Variants in CLCN5 observed in about 807,000 individuals in gnomAD.
CLCN5 encodes Cl-/H+ antiporter 5.
A neutral mutation model predicts 54.0 loss-of-function variants in CLCN5; 17 were observed. That is an observed-to-expected ratio of 0.31 (90% CI 0.22 to 0.47). The LOEUF is 0.47. Ranked by LOEUF, CLCN5 falls within the 20% of genes least tolerant of loss-of-function variation. The probability of loss-of-function intolerance (pLI) is 1.00; values close to 1 mark genes in which losing one functional copy is unlikely to be tolerated. For synonymous variants in CLCN5, 222 were observed against 233.0 expected (o/e 0.95, Z 0.43); for missense variants, 448 against 646.7 (o/e 0.69, Z 3.33).
In CLCN5 at chrX:50,063,206, C is replaced by T. The variant is rs1169973961; in HGVS notation, c.164-6673C>T. 2.3e-3 allele frequency among the ~76,000 whole-genome samples: 218 copies of T among 93,550 alleles called. 1 individual carries two copies. The highest frequency in any genetic ancestry group is 8.9e-3 in the African/African-American group (205 of 22,957). 81.2% of individuals were successfully genotyped at this position (93,550 alleles called of 115,157 possible). A position where few individuals can be genotyped will look rare whatever the true frequency, so the allele number is the denominator to read the frequency against. On this transcript the variant is annotated intron_variant, in intron 4 of 14. Coordinates refer to ENST00000376091, the MANE Select transcript of CLCN5 (RefSeq NM_001127898.4). Reference sequence around the variant, plus strand: ...AGACACAAAAAACCCTTCAAAAAATCAATGAATCCAGGAGCTGGTTTTTTG... The same window carrying T: ...AGACACAAAAAACCCTTCAAAAAATTAATGAATCCAGGAGCTGGTTTTTTG...
intron 4 of CLCN5, 154 bp downstream of exon 4, chrX:50,042,616 G>C (rs2147478295): frequency 3.0e-6 from 1 of 331,558 alleles, no homozygotes; most frequent in South Asian, 1.7e-4. Context: ...ACAGGATACA[G>C]AACAGTTCAA....
At chrX:49,948,867 C>T (rs1926891133) in intron 3 of CLCN5, among the ~76,000 whole-genome samples, 1 of 112,164 alleles carries the variant, frequency 8.9e-6, no homozygotes, top group Non-Finnish European at 1.9e-5. Flanking sequence ...TATTAGCTAC[C>T]AAAATCACTG....
At chrX:49,971,550 T>A (rs1278453094) in intron 3 of CLCN5, among the ~76,000 whole-genome samples, 1 of 110,838 alleles carries the variant, frequency 9.0e-6, no homozygotes, top group Non-Finnish European at 1.9e-5. Context: ...TATTCCTACT[T>A]TACTGAGTGA....
chrX:50,003,606 C>A (rs782668949), intron 3 of CLCN5: 16 of 344,810 alleles, frequency 4.6e-5, no homozygotes, highest in Admixed American at 2.7e-4. Flanking sequence ...TCCTTGCTCT[C>A]TTGTGCATGT....
chrX:49,950,356 AG>A (rs1173871316), intron 3 of CLCN5, among the ~76,000 whole-genome samples: 1 of 112,189 alleles, frequency 8.9e-6, no homozygotes, highest in Non-Finnish European at 1.9e-5. Flanking sequence ...TGGTTTTTTA[AG>A]CTCAAGTTTT....
intron 3 of CLCN5, among the ~76,000 whole-genome samples, chrX:50,028,332 A>C (rs1346858699): frequency 8.9e-6 from 1 of 112,096 alleles, no homozygotes; most frequent in African/African-American, 3.2e-5. Flanking sequence ...TGGAAGCAGA[A>C]AGAGCTTTTT....
chrX:50,031,988 C>G (rs1265086820), intron 3 of CLCN5, among the ~76,000 whole-genome samples: 20 of 98,006 alleles, frequency 2.0e-4, no homozygotes, highest in African/African-American at 7.0e-4. Context: ...TTTGTTCTTG[C>G]GATAGTTTAC....
chrX:50,060,626 G>C lies in CLCN5; in HGVS notation c.164-9253G>C, dbSNP rs1409988727. 1.9e-3 allele frequency among the ~76,000 whole-genome samples: 206 copies of C among 108,845 alleles called. 1 individual carries two copies. Among genetic ancestry groups the C allele is most frequent in the South Asian group, 4.0e-3 (10 of 2,525 alleles). 94.5% of individuals were successfully genotyped at this position (108,845 alleles called of 115,157 possible). A position where few individuals can be genotyped will look rare whatever the true frequency, so the allele number is the denominator to read the frequency against. On this transcript the variant is annotated intron_variant, in intron 4 of 14. Transcript: ENST00000376091. ...GGCTTGCTTAGGTAAACAAAGCAGC[G>C]GGGAAGCTCGAACTGGGTGGAGCCC...
At chrX:49,947,754 C>G (rs1312143740) in intron 3 of CLCN5, among the ~76,000 whole-genome samples, 1 of 111,172 alleles carries the variant, frequency 9.0e-6, no homozygotes, top group Non-Finnish European at 1.9e-5. Flanking sequence ...TAAACATGTT[C>G]TGGTCTTCGT....
chrX:50,007,877 G>A (rs782646774), intron 3 of CLCN5, among the ~76,000 whole-genome samples: 1 of 111,905 alleles, frequency 8.9e-6, no homozygotes, highest in Non-Finnish European at 1.9e-5. Context: ...AAATCAGGTC[G>A]ATTCTCTAGG....
At position 50,092,921 on chromosome X, in the gene CLCN5, A is replaced by G. The variant is rs1420233033; in HGVS notation, c.*702A>G. 1.8e-5 allele frequency: 2 copies of G among 112,642 alleles called. No homozygotes were observed. Among genetic ancestry groups the G allele is most frequent in the African/African-American group, 3.2e-5 (1 of 30,916 alleles). The allele number at this position is 112,642 out of a possible 1,213,427, so 9.3% of individuals were successfully genotyped here. On this transcript the variant is annotated 3_prime_UTR_variant, in exon 15 of 15. Transcript: ENST00000376091. ...TGGTACTCTTTTGAAGTGCACAAAG[A>G]TAAGTTATAGAGCTTTCTCCTTGTC...
At chrX:49,926,687 T>A (rs1427006085) in intron 3 of CLCN5, among the ~76,000 whole-genome samples, 3 of 112,100 alleles carry the variant, frequency 2.7e-5, no homozygotes, top group Non-Finnish European at 3.8e-5. Flanking sequence ...GGAGGCCAGA[T>A]AATAAAGAGC....
intron 3 of CLCN5, among the ~76,000 whole-genome samples, chrX:49,947,092 G>A: frequency 9.0e-6 from 1 of 111,314 alleles, no homozygotes; most frequent in South Asian, 3.8e-4. Context: ...AAAATGCTGG[G>A]ATTAGAGGCA....
rs782154772 is a variant in CLCN5 at position 50,094,154 on chromosome X, G to A, written c.*1935G>A. On this transcript the variant is annotated 3_prime_UTR_variant, in exon 15 of 15. Coordinates refer to ENST00000376091, the MANE Select transcript of CLCN5 (RefSeq NM_001127898.4). ...AATTCTTTTTTTTGCTCAGAACTGG[G>A]TAGCCAAGGGTTATTTTATTTTTAT... 3 of 111,835 alleles carry A rather than the reference G, an allele frequency of 2.7e-5. No homozygotes were observed. The South Asian group carries it at 1.1e-3, about 42-fold the overall frequency. The allele number at this position is 111,835 out of a possible 1,213,427, so 9.2% of individuals were successfully genotyped here. A position where few individuals can be genotyped will look rare whatever the true frequency, so the allele number is the denominator to read the frequency against.
intron 3 of CLCN5, among the ~76,000 whole-genome samples, chrX:49,929,639 A>G (rs1394769215): frequency 8.9e-6 from 1 of 112,041 alleles, no homozygotes; most frequent in Non-Finnish European, 1.9e-5. Flanking sequence ...TTCTTAATAA[A>G]GGAGGGGACA....
At position 50,017,931 on chromosome X, in the gene CLCN5, C is replaced by T. The variant is rs181956218; in HGVS notation, c.17-24385C>T. Reference sequence around the variant, plus strand: ...GTCAGTCTTCCAGGTTTGTTCTTCTCTTTCAAAATTGTGTTGGCTATTCTG... The same window carrying T: ...GTCAGTCTTCCAGGTTTGTTCTTCTTTTTCAAAATTGTGTTGGCTATTCTG... On this transcript the variant is annotated intron_variant, in intron 3 of 14. Coordinates refer to ENST00000376091, the MANE Select transcript of CLCN5 (RefSeq NM_001127898.4). Among the ~76,000 whole-genome samples the T allele has an allele frequency of 3.6e-3, 398 of 111,497 alleles. 2 individuals carry two copies. The highest frequency in any genetic ancestry group is 0.012 in the African/African-American group (369 of 30,792).
chrX:49,940,728 A>T (rs1926282633), intron 3 of CLCN5, among the ~76,000 whole-genome samples: 2 of 111,495 alleles, frequency 1.8e-5, no homozygotes, highest in South Asian at 7.7e-4. Context: ...CTGCTTTCTC[A>T]CTCCCTTGAA....
chrX:50,046,855 A>G (rs909550705), intron 4 of CLCN5, among the ~76,000 whole-genome samples: 1 of 110,796 alleles, frequency 9.0e-6, no homozygotes, highest in Non-Finnish European at 1.9e-5. Context: ...AGGAAGAAAT[A>G]AGTTCTGGAC....
chrX:50,065,785 G>T (rs1557190701), intron 4 of CLCN5, among the ~76,000 whole-genome samples: 1 of 103,769 alleles, frequency 9.6e-6, no homozygotes, highest in South Asian at 4.6e-4. Context: ...ATGATAGACT[G>T]GATTAAGAAA....
Sources: gnomAD v4.1 joint callset for allele counts (sites outside exome capture counted in the v4.1 genomes callset) on GRCh38, gnomAD v4.1.1 for gene constraint, MANE v1.5 for transcripts, NCBI Gene and HGNC (gene_info 2026-07-23, HGNC 2026-07-21) for gene names.